Variants in ZNF483 observed in about 807,000 individuals in gnomAD.
The protein encoded by ZNF483 is zinc finger protein 483, also known as zinc finger protein HIT-10.
Under a neutral mutation model 28.6 loss-of-function variants are expected in ZNF483, and 9 were observed. The observed-to-expected ratio is 0.32, with a 90% CI of 0.19 to 0.55. The LOEUF (loss-of-function observed/expected upper bound fraction) is 0.55. ZNF483 is among the 20% of genes least tolerant of loss of function. The probability of loss-of-function intolerance (pLI) is 0.93; values close to 1 mark genes in which losing one functional copy is unlikely to be tolerated. For missense variants in ZNF483, 675 were observed against 871.7 expected, an observed-to-expected ratio of 0.77 and a Z score of 2.84; for synonymous variants, 322 against 306.2, an observed-to-expected ratio of 1.05 and a Z score of -0.54.
At chr9:111,528,886 C>T (rs538903911) in intron 2 of ZNF483, among the ~76,000 whole-genome samples, 3 of 152,294 alleles carry the variant, frequency 2.0e-5, no homozygotes, top group East Asian at 3.9e-4. Flanking sequence ...TGGCTCACAC[C>T]TGTAATCCCA....
chr9:111,556,775 T>C (rs1467707146), downstream of ZNF483, among the ~76,000 whole-genome samples: 1 of 152,198 alleles, frequency 6.6e-6, no homozygotes, highest in African/African-American at 2.4e-5. Context: ...CCTGCTGCCA[T>C]GTGAAGATGT....
Position 111,549,065 on chromosome 9 carries a change from T to C in ZNF483, c.*5895T>C, listed in dbSNP as rs1437886503. On this transcript the variant is annotated 3_prime_UTR_variant, in exon 6 of 6. Transcript: ENST00000309235. Reference sequence around the variant, plus strand: ...GTGCTTGTTGCCATAGTTCAGAACCTGCACCACAAAGACCCTTCCAGTTCT... The same window carrying C: ...GTGCTTGTTGCCATAGTTCAGAACCCGCACCACAAAGACCCTTCCAGTTCT... Among the ~76,000 whole-genome samples, 1 of 152,202 alleles carries C rather than the reference T, an allele frequency of 6.6e-6. No homozygotes were observed. The highest frequency in any genetic ancestry group is 1.5e-5 in the Non-Finnish European group (1 of 68,036).
chr9:111,530,782 T>C (rs868837449), intron 2 of ZNF483, 93 bp from the exon 3 acceptor site: 9 of 78,960 alleles, frequency 1.1e-4, no homozygotes, highest in East Asian at 1.1e-3. Flanking sequence ...TATATATATA[T>C]ATATATATAT....
intron 3 of ZNF483, among the ~76,000 whole-genome samples, chr9:111,532,343 C>G (rs1827369370): frequency 6.6e-6 from 1 of 151,778 alleles, no homozygotes; most frequent in Admixed American, 6.6e-5. Context: ...AAAAAGAAAA[C>G]AAGATGAGGA....
rs1216432343 is a variant in ZNF483, at chr9:111,536,070, TTATTAGTAGAGATGGCGTTTCCCCATGG to T, written c.721+1718_721+1745del. Among the ~76,000 whole-genome samples, 6 of 151,044 alleles carry T rather than the reference TTATTAGTAGAGATGGCGTTTCCCCATGG, an allele frequency of 4.0e-5. No individual in the cohort carries two copies. The South Asian group carries it at 6.3e-4, about 16-fold the overall frequency. On this transcript the variant is annotated intron_variant, in intron 5 of 5. Transcript: ENST00000309235. ...CGCCCAGCTAATTTTTTTTGTATTTTTATTAGTAGAGATGGCGTTTCCCCATGGAAAGGAGGTGGATCACTCCTGACCT... is the reference window on the plus strand; with the variant it reads ...CGCCCAGCTAATTTTTTTTGTATTTTAAAGGAGGTGGATCACTCCTGACCT...
chr9:111,534,578 T>G (rs948979313), intron 5 of ZNF483, among the ~76,000 whole-genome samples: 2 of 151,996 alleles, frequency 1.3e-5, no homozygotes, highest in Non-Finnish European at 1.5e-5. Flanking sequence ...TGGAGAAAGA[T>G]TCAGTGAAGG....
In ZNF483 at chr9:111,542,311, G is replaced by T. The variant is rs775913503; in HGVS notation, c.1376G>T (p.Arg459Ile). ...GYSASLTKHR[R>I]IHTGEKPYMC... ...AGCGCCTCACTCACCAAACATCGGA[G>T]AATTCACACTGGAGAAAAACCCTAT... is the stretch of plus-strand genomic sequence containing the variant. The change falls in exon 6 of 6, where the codon AGA becomes ATA. Residue 459 changes from arginine to isoleucine, a missense_variant. Around this residue, in one of 6 missense-constraint regions of ZNF483, gnomAD observed 525 missense variants for 581.8 expected, o/e 0.90. Coordinates refer to ENST00000309235, the MANE Select transcript of ZNF483 (RefSeq NM_133464.5). The surrounding 1 kb of genome is among the most constrained non-coding windows in gnomAD (Gnocchi z 6.2). The T allele has an allele frequency of 1.2e-6, 2 of 1,614,148 alleles. No individual in the cohort carries two copies. The highest frequency in any genetic ancestry group is 1.1e-5 in the South Asian group (1 of 91,082).
Position 111,534,325 on chromosome 9 carries a change from G to A in ZNF483, c.693G>A (p.Leu231=), listed in dbSNP as rs1827425046. The A allele has an allele frequency of 6.2e-7, 1 of 1,614,132 alleles. No individual in the cohort carries two copies. The highest frequency in any genetic ancestry group is 8.5e-7 in the Non-Finnish European group (1 of 1,180,010). Residue 231 remains leucine (L), a synonymous_variant, in exon 5 of 6, where the codon CTG becomes CTA. Transcript: ENST00000309235. ...QLKWVELPWL[L]EEVSKSSRLD... ...AGTGGGTTGAATTGCCATGGCTGCT[G>A]GAAGAAGTCTCAAAAAGCTCCCGAC...
intron 5 of ZNF483, chr9:111,562,922 T>G: frequency 7.3e-7 from 1 of 1,369,710 alleles, no homozygotes; most frequent in Non-Finnish European, 9.4e-7. Context: ...AACAGTGAGG[T>G]GACTGGTTGT....
intron 5 of ZNF483, chr9:111,570,119 A>C: frequency 6.2e-7 from 1 of 1,614,106 alleles, no homozygotes. Context: ...CAAGTCCTTC[A>C]GAGCTTTTTG....
intron 5 of ZNF483, among the ~76,000 whole-genome samples, chr9:111,538,817 C>A (rs1188117007): frequency 6.6e-6 from 1 of 151,684 alleles, no homozygotes; most frequent in Non-Finnish European, 1.5e-5. Context: ...AATTAAAAAA[C>A]AAACAAAAAA....
At chr9:111,562,839 A>C in intron 5 of ZNF483, 1 of 728,100 alleles carries the variant, frequency 1.4e-6, no homozygotes, top group Non-Finnish European at 1.9e-6. Flanking sequence ...ATGAATGAAA[A>C]CATACAGTGT....
rs1264188391 is a variant in ZNF483, at chr9:111,544,969, C to T, written c.*1799C>T. 6.6e-6 allele frequency among the ~76,000 whole-genome samples: 1 copy of T among 152,166 alleles called. No individual in the cohort carries two copies. Among genetic ancestry groups the T allele is most frequent in the African/African-American group, 2.4e-5 (1 of 41,454 alleles). On this transcript the variant is annotated 3_prime_UTR_variant, in exon 6 of 6. Coordinates refer to ENST00000309235, the MANE Select transcript of ZNF483 (RefSeq NM_133464.5). ...AAGAGAGCTAAACCAGAAAACTCTT[C>T]ACTTATGGAAGTAAAGCGATCCTTA...
Position 111,551,203 on chromosome 9 carries a change from T to G in ZNF483, c.*8033T>G, listed in dbSNP as rs1827932189. 6.6e-6 allele frequency among the ~76,000 whole-genome samples: 1 copy of G among 152,168 alleles called. No individual in the cohort carries two copies. Among genetic ancestry groups the G allele is most frequent in the Admixed American group, 6.6e-5 (1 of 15,262 alleles). On this transcript the variant is annotated 3_prime_UTR_variant, in exon 6 of 6. Coordinates refer to ENST00000309235, the MANE Select transcript of ZNF483 (RefSeq NM_133464.5). Reference sequence around the variant, plus strand: ...TGTAAAAAAGTATTGAGACATTTTGTTTTTTGCACTATTTTTGAAATCTGG... The same window carrying G: ...TGTAAAAAAGTATTGAGACATTTTGGTTTTTGCACTATTTTTGAAATCTGG...
rs1011083393 is a variant in ZNF483, at chr9:111,551,654, G to A, written c.*8484G>A. Among the ~76,000 whole-genome samples, 8 of 151,806 alleles carry A rather than the reference G, an allele frequency of 5.3e-5. No homozygotes were observed. Among genetic ancestry groups the A allele is most frequent in the African/African-American group, 1.9e-4 (8 of 41,314 alleles). ...TAAGCCCAGGCAATCTGCCTGTCTC[G>A]GCCTCCCAAAGTGCCGGGATTACAG... On this transcript the variant is annotated 3_prime_UTR_variant, in exon 6 of 6. Coordinates refer to ENST00000309235, the MANE Select transcript of ZNF483 (RefSeq NM_133464.5).
Position 111,546,489 on chromosome 9 carries a change from T to G in ZNF483, c.*3319T>G, listed in dbSNP as rs1010029937. Among the ~76,000 whole-genome samples the G allele has an allele frequency of 6.6e-6, 1 of 152,198 alleles. No individual in the cohort carries two copies. Among genetic ancestry groups the G allele is most frequent in the Non-Finnish European group, 1.5e-5 (1 of 68,012 alleles). ...AGATTATCAAAAGGCTTTAAACGTC[T>G]TTTGATTCATTATAGGATTGCTTTT... On this transcript the variant is annotated 3_prime_UTR_variant, in exon 6 of 6. Coordinates refer to ENST00000309235, the MANE Select transcript of ZNF483 (RefSeq NM_133464.5).
intron 5 of ZNF483, among the ~76,000 whole-genome samples, chr9:111,561,800 C>G (rs1424769105): frequency 6.6e-6 from 1 of 151,734 alleles, no homozygotes; most frequent in African/African-American, 2.4e-5. Context: ...AATCTTAAGA[C>G]TTCAAAATCA....
rs1158705983 is a variant in ZNF483, at chr9:111,553,102, T to G, written c.*9932T>G. 6.6e-6 allele frequency among the ~76,000 whole-genome samples: 1 copy of G among 152,218 alleles called. No homozygotes were observed. Among genetic ancestry groups the G allele is most frequent in the Non-Finnish European group, 1.5e-5 (1 of 68,030 alleles). Reference sequence around the variant, plus strand: ...CATATGAGTAATTTTGTGTATTCTTTTTTGACTTACACTCACTAAATGGTT... The same window carrying G: ...CATATGAGTAATTTTGTGTATTCTTGTTTGACTTACACTCACTAAATGGTT... On this transcript the variant is annotated 3_prime_UTR_variant, in exon 6 of 6. Coordinates refer to ENST00000309235, the MANE Select transcript of ZNF483 (RefSeq NM_133464.5).
In ZNF483 at chr9:111,543,167, G is replaced by A. The variant is rs1338698928; in HGVS notation, c.2232G>A (p.Glu744=). ...LIRHRGFHSA[E] The stretch of plus-strand genomic sequence containing the variant: ...GACATCGGGGATTTCACTCTGCAGA[G>A]TAATCCTGGAACTACATTAAAGTGG... The change falls in exon 6 of 6, where the codon GAG becomes GAA. Residue 744 remains glutamate (E), a synonymous_variant. Transcript: ENST00000309235. 1 of 1,596,910 alleles carries A rather than the reference G, an allele frequency of 6.3e-7. No homozygotes were observed.
Sources: allele counts gnomAD v4.1 joint callset (sites outside exome capture counted in the v4.1 genomes callset), GRCh38; gene constraint gnomAD v4.1.1; regional missense constraint gnomAD v4.1.1; non-coding constraint Gnocchi (gnomAD v3.1); transcripts MANE v1.5; gene names NCBI Gene and HGNC (gene_info 2026-07-23, HGNC 2026-07-21).